Variants in HS2ST1 observed in about 807,000 individuals in gnomAD.
HS2ST1 encodes the protein 2-O-sulfotransferase.
In HS2ST1, 18 loss-of-function variants were observed where a neutral mutation model predicts 42.9. The observed-to-expected ratio is 0.42, with a 90% CI of 0.29 to 0.62. The LOEUF is 0.62. HS2ST1 is among the 20% of genes least tolerant of loss of function. The pLI is 0.21. For synonymous variants in HS2ST1, 146 were observed against 152.9 expected, an observed-to-expected ratio of 0.95 and a Z score of 0.33; for missense variants, 334 against 433.8, an observed-to-expected ratio of 0.77 and a Z score of 2.04.
At chr1:87,014,096 T>G (rs945507774) in intron 1 of HS2ST1, among the ~76,000 whole-genome samples, 1 of 152,186 alleles carries the variant, frequency 6.6e-6, no homozygotes, top group Admixed American at 6.5e-5. Flanking sequence ...TCAAAGTAGC[T>G]TCCACATTTG....
intron 1 of HS2ST1, among the ~76,000 whole-genome samples, chr1:87,016,479 C>A (rs1409065748): frequency 6.6e-6 from 1 of 152,152 alleles, no homozygotes. Flanking sequence ...TCCTTTCTCT[C>A]TCTCTCCTGG....
chr1:86,915,488 C>A (rs1368936688), intron 1 of HS2ST1, among the ~76,000 whole-genome samples: 1 of 152,110 alleles, frequency 6.6e-6, no homozygotes, highest in Non-Finnish European at 1.5e-5. Flanking sequence ...TTGCTGGTCT[C>A]CGGAGACAGA....
intron 1 of HS2ST1, among the ~76,000 whole-genome samples, chr1:86,982,049 A>G (rs948759091): frequency 6.6e-6 from 1 of 152,222 alleles, no homozygotes; most frequent in African/African-American, 2.4e-5. Flanking sequence ...GTGCACCCAC[A>G]GGCCCAACAC....
chr1:86,977,602 T>C (rs552228360), intron 1 of HS2ST1, among the ~76,000 whole-genome samples: 2 of 152,340 alleles, frequency 1.3e-5, no homozygotes, highest in East Asian at 3.9e-4. Flanking sequence ...TATCAAGTCT[T>C]GTACTTAAAA....
At position 87,032,196 on chromosome 1, in the gene HS2ST1, G is replaced by A. The variant is rs1650256656; in HGVS notation, c.125-40738G>A. 3.9e-5 allele frequency among the ~76,000 whole-genome samples: 6 copies of A among 152,162 alleles called. No individual in the cohort carries two copies. The South Asian group carries it at 1.2e-3, about 32-fold the overall frequency. On this transcript the variant is annotated intron_variant, in intron 1 of 6. Transcript: ENST00000370550. The stretch of plus-strand genomic sequence containing the variant: ...TTCATATGGAAAGGATTGTTTATGA[G>A]TAGACTGATAATACCAGGCTCACGA...
chr1:87,058,563 A>T (rs1458458690), intron 1 of HS2ST1, among the ~76,000 whole-genome samples: 1 of 151,512 alleles, frequency 6.6e-6, no homozygotes, highest in African/African-American at 2.4e-5. Context: ...TGTGTGACTA[A>T]ATACAAATTT....
At chr1:87,063,569 T>G (rs1245398505) in intron 1 of HS2ST1, among the ~76,000 whole-genome samples, 2 of 152,170 alleles carry the variant, frequency 1.3e-5, no homozygotes, top group Non-Finnish European at 2.9e-5. Flanking sequence ...ACTCCTGACC[T>G]CATGATCCAC....
chr1:86,945,911 TAAAAA>T (rs1647319309), intron 1 of HS2ST1, among the ~76,000 whole-genome samples: 1 of 152,054 alleles, frequency 6.6e-6, no homozygotes, highest in Non-Finnish European at 1.5e-5. Context: ...TCTATAAAAA[TAAAAA>T]TAAAATAACC....
At chr1:87,006,076 CTTTAA>C (rs1470723437) in intron 1 of HS2ST1, among the ~76,000 whole-genome samples, 3 of 147,818 alleles carry the variant, frequency 2.0e-5, no homozygotes, top group Admixed American at 6.6e-5. Context: ...GAAAACAAAA[CTTTAA>C]TTAAAAAATT....
chr1:87,017,183 C>CTG (rs1649783843), intron 1 of HS2ST1, among the ~76,000 whole-genome samples: 1 of 152,192 alleles, frequency 6.6e-6, no homozygotes, highest in Non-Finnish European at 1.5e-5. Flanking sequence ...GTCACCCAGG[C>CTG]TGTAGTGCAG....
chr1:87,069,062 C>G (rs1651333594), intron 1 of HS2ST1, among the ~76,000 whole-genome samples: 1 of 152,134 alleles, frequency 6.6e-6, no homozygotes, highest in Admixed American at 6.5e-5. Context: ...CATCTTCATC[C>G]TCATCATCTT....
intron 1 of HS2ST1, among the ~76,000 whole-genome samples, chr1:87,027,642 A>G (rs1650122235): frequency 6.6e-6 from 1 of 152,222 alleles, no homozygotes; most frequent in African/African-American, 2.4e-5. Flanking sequence ...TTCTCAACTG[A>G]GAAGGGTGGC....
intron 1 of HS2ST1, among the ~76,000 whole-genome samples, chr1:86,954,315 C>G (rs1356886410): frequency 1.3e-5 from 2 of 152,034 alleles, no homozygotes; most frequent in Non-Finnish European, 2.9e-5. Flanking sequence ...TGCCATTGCA[C>G]TCCAGCCTGG....
chr1:87,022,541 C>T (rs1649979690), intron 1 of HS2ST1, among the ~76,000 whole-genome samples: 1 of 152,114 alleles, frequency 6.6e-6, no homozygotes, highest in African/African-American at 2.4e-5. Flanking sequence ...TGTTAAATGG[C>T]TAAGTACATG....
intron 1 of HS2ST1, among the ~76,000 whole-genome samples, chr1:87,007,870 A>G (rs879640519): frequency 3.3e-5 from 5 of 152,154 alleles, no homozygotes; most frequent in Admixed American, 2.6e-4. Flanking sequence ...CTATTTTTAA[A>G]TCTGTCAACA....
chr1:86,944,319 C>T (rs987810778), intron 1 of HS2ST1, among the ~76,000 whole-genome samples: 8 of 151,954 alleles, frequency 5.3e-5, no homozygotes, highest in East Asian at 3.9e-4. Context: ...ATGACATAAA[C>T]GTTTTTTGGC....
At chr1:87,086,857 T>C (rs915760928) in intron 3 of HS2ST1, among the ~76,000 whole-genome samples, 1 of 152,036 alleles carries the variant, frequency 6.6e-6, no homozygotes, top group Non-Finnish European at 1.5e-5. Flanking sequence ...CCCTTTAATG[T>C]TAGGTTATGT....
intron 1 of HS2ST1, among the ~76,000 whole-genome samples, chr1:86,924,053 CT>C (rs1457893858): frequency 6.6e-6 from 1 of 152,162 alleles, no homozygotes; most frequent in Non-Finnish European, 1.5e-5. Flanking sequence ...TAGTTACTTC[CT>C]AGATACATTG....
intron 1 of HS2ST1, among the ~76,000 whole-genome samples, chr1:87,063,529 G>T (rs965178887): frequency 6.6e-6 from 1 of 152,056 alleles, no homozygotes; most frequent in Non-Finnish European, 1.5e-5. Context: ...TAGAGACAAG[G>T]TTTCACTCTG....
Sources: allele counts gnomAD v4.1 joint callset (sites outside exome capture counted in the v4.1 genomes callset), GRCh38; gene constraint gnomAD v4.1.1; transcripts MANE v1.5; gene names NCBI Gene and HGNC (gene_info 2026-07-23, HGNC 2026-07-21).